The following TMEM131 variants were observed in gnomAD, a reference collection of about 807,000 sequenced individuals.
TMEM131 encodes the protein 2610524E03Rik.
A neutral mutation model predicts 211.6 loss-of-function variants in TMEM131; 66 were observed. The observed-to-expected ratio is 0.31, with a 90% CI of 0.26 to 0.38. The LOEUF (loss-of-function observed/expected upper bound fraction) is 0.38, where lower values mean the gene tolerates loss of function less well. Ranked by LOEUF, TMEM131 falls within the 10% of genes least tolerant of loss-of-function variation. The pLI is 1.00. For synonymous variants in TMEM131, 844 were observed against 841.3 expected (o/e 1.00, Z -0.06); for missense variants, 2,036 against 2,299.3 (o/e 0.89, Z 2.34).
At chr2:97,808,309 T>C (rs549397871) in intron 19 of TMEM131, among the ~76,000 whole-genome samples, 1 of 152,218 alleles carries the variant, frequency 6.6e-6, no homozygotes, top group East Asian at 1.9e-4. Flanking sequence ...GCATACAGCA[T>C]TAAGATTTTG....
At chr2:97,800,759 G>GA (rs962103432) in intron 25 of TMEM131, among the ~76,000 whole-genome samples, 129 of 142,336 alleles carry the variant, frequency 9.1e-4, no homozygotes, top group East Asian at 7.2e-3. Context: ...TGTCTCAGAA[G>GA]AAAAAAAAAA....
Position 97,812,730 on chromosome 2 carries a change from T to G in TMEM131, c.1637A>C (p.Lys546Thr), listed in dbSNP as rs1204795917. The part of the protein sequence containing the change: ...GFLDYFVLPP[K>T]IEERFIDFGV... ...AAAATCTATGAAACGTTCCTCTATT[T>G]TGGGGGGCAATACAAAGTACTGGAA... The change falls in exon 16 of 41, where the codon AAA becomes ACA. Residue 546 changes from lysine to threonine, a missense_variant. Around this residue, in one of 3 missense-constraint regions of TMEM131, gnomAD observed 1,623 missense variants for 1,805.9 expected, o/e 0.90. Coordinates refer to ENST00000186436, the MANE Select transcript of TMEM131 (RefSeq NM_015348.2). The G allele has an allele frequency of 3.8e-6, 6 of 1,584,948 alleles. No individual in the cohort carries two copies. The East Asian group carries it at 1.1e-4, about 30-fold the overall frequency.
At chr2:97,885,633 G>A (rs1055662628) in intron 4 of TMEM131, among the ~76,000 whole-genome samples, 1 of 151,690 alleles carries the variant, frequency 6.6e-6, no homozygotes, top group Admixed American at 6.6e-5. Flanking sequence ...GTTTTCTGCT[G>A]AGAAATCTGC....
intron 2 of TMEM131, among the ~76,000 whole-genome samples, chr2:97,915,156 T>C (rs908924097): frequency 3.3e-5 from 5 of 152,162 alleles, no homozygotes; most frequent in Admixed American, 6.5e-5. Flanking sequence ...GGGAAATGTG[T>C]GCTCATCTCT....
chr2:97,885,220 C>T (rs556703427), intron 4 of TMEM131, among the ~76,000 whole-genome samples: 77 of 151,872 alleles, frequency 5.1e-4, no homozygotes, highest in African/African-American at 1.6e-3. Flanking sequence ...TTTTTTGAGA[C>T]GGAGTCTCGC....
intron 31 of TMEM131, among the ~76,000 whole-genome samples, chr2:97,787,967 C>T (rs1037474981): frequency 1.3e-5 from 2 of 152,178 alleles, no homozygotes; most frequent in African/African-American, 4.8e-5. Flanking sequence ...GTTGGATTTC[C>T]CATCCCTTGA....
chr2:97,822,131 C>G (rs547169587), intron 11 of TMEM131, among the ~76,000 whole-genome samples: 1 of 152,322 alleles, frequency 6.6e-6, no homozygotes, highest in South Asian at 2.1e-4. Context: ...AAAAACCACT[C>G]TCTGTCTCTG....
At chr2:97,953,922 CAT>C (rs1281185287) in intron 1 of TMEM131, among the ~76,000 whole-genome samples, 5 of 152,102 alleles carry the variant, frequency 3.3e-5, no homozygotes, top group East Asian at 1.9e-4. Flanking sequence ...CTGTATACCA[CAT>C]GTCTAAACAA....
At chr2:97,930,890 TAATA>T (rs1677189887) in intron 1 of TMEM131, among the ~76,000 whole-genome samples, 1 of 151,744 alleles carries the variant, frequency 6.6e-6, no homozygotes, top group Non-Finnish European at 1.5e-5. Flanking sequence ...AAAAATAAAC[TAATA>T]ATTACTGATC....
At chr2:97,882,522 A>C (rs1674977230) in intron 4 of TMEM131, among the ~76,000 whole-genome samples, 1 of 152,198 alleles carries the variant, frequency 6.6e-6, no homozygotes, top group Non-Finnish European at 1.5e-5. Context: ...TTCAAACAGC[A>C]GCTAGACCTG....
intron 5 of TMEM131, among the ~76,000 whole-genome samples, chr2:97,845,588 T>C (rs1418483253): frequency 6.6e-6 from 1 of 152,196 alleles, no homozygotes; most frequent in Non-Finnish European, 1.5e-5. Context: ...GGTAAAGCAA[T>C]ACTTGGAAGA....
At chr2:97,816,152 C>G (rs1228592097) in intron 12 of TMEM131, among the ~76,000 whole-genome samples, 1 of 152,042 alleles carries the variant, frequency 6.6e-6, no homozygotes, top group Non-Finnish European at 1.5e-5. Flanking sequence ...ACAAACCTGG[C>G]CAACATGGTG....
chr2:97,908,984 C>A (rs138575639), intron 2 of TMEM131, among the ~76,000 whole-genome samples: 1 of 152,186 alleles, frequency 6.6e-6, no homozygotes, highest in African/African-American at 2.4e-5. Flanking sequence ...GTGCCTCGGA[C>A]TGTTCCCTGC....
intron 3 of TMEM131, among the ~76,000 whole-genome samples, chr2:97,888,350 T>C (rs972966885): frequency 2.0e-5 from 3 of 152,186 alleles, no homozygotes; most frequent in Admixed American, 6.5e-5. Context: ...TATATGCAAA[T>C]AGAAAATGCT....
chr2:97,962,927 T>C (rs1184880147), intron 1 of TMEM131, among the ~76,000 whole-genome samples: 1 of 152,226 alleles, frequency 6.6e-6, no homozygotes, highest in African/African-American at 2.4e-5. Context: ...TATGATTCCA[T>C]TTATTTACAA....
At chr2:97,854,896 A>T (rs1164098974) in intron 5 of TMEM131, among the ~76,000 whole-genome samples, 1 of 152,032 alleles carries the variant, frequency 6.6e-6, no homozygotes, top group South Asian at 2.1e-4. Flanking sequence ...GCCTACCCTG[A>T]CCACCCTATT....
At chr2:97,800,901 G>T (rs1681005677) in intron 25 of TMEM131, among the ~76,000 whole-genome samples, 1 of 152,214 alleles carries the variant, frequency 6.6e-6, no homozygotes, top group South Asian at 2.1e-4. Context: ...AGCCGCGCAT[G>T]AGGCTGGAAT....
At chr2:97,949,050 T>C (rs1441225336) in intron 1 of TMEM131, among the ~76,000 whole-genome samples, 8 of 152,072 alleles carry the variant, frequency 5.3e-5, no homozygotes, top group Admixed American at 5.2e-4. Context: ...TGAATGAAAA[T>C]GAAAGACTTG....
intron 25 of TMEM131, among the ~76,000 whole-genome samples, chr2:97,800,039 A>C (rs1052808049): frequency 6.6e-6 from 1 of 152,244 alleles, no homozygotes. Flanking sequence ...TGAATGGAAT[A>C]GGTTTATTAT....
Sources: gnomAD v4.1 joint callset for allele counts (sites outside exome capture counted in the v4.1 genomes callset) on GRCh38, gnomAD v4.1.1 for gene constraint, gnomAD v4.1.1 regional missense constraint, MANE v1.5 for transcripts, NCBI Gene and HGNC (gene_info 2026-07-23, HGNC 2026-07-21) for gene names.